Variants in GAPVD1 observed in about 807,000 individuals in gnomAD.
GAPVD1 encodes GTPase activating protein and VPS9 domains 1.
In GAPVD1, 35 loss-of-function variants were observed where a neutral mutation model predicts 155.5. The ratio of observed to expected loss-of-function variants is 0.23; its 90% CI spans 0.17 to 0.30. The LOEUF (loss-of-function observed/expected upper bound fraction) is 0.30, where lower values mean the gene tolerates loss of function less well. GAPVD1 is among the 10% of genes least tolerant of loss of function. The probability of loss-of-function intolerance (pLI) is 1.00; values close to 1 mark genes in which losing one functional copy is unlikely to be tolerated. For missense variants in GAPVD1, 1,429 were observed against 1,775.7 expected, an observed-to-expected ratio of 0.80 and a Z score of 3.51; for synonymous variants, 636 against 619.7, an observed-to-expected ratio of 1.03 and a Z score of -0.39.
intron 9 of GAPVD1, among the ~76,000 whole-genome samples, chr9:125,318,050 G>A (rs1482309761): frequency 2.6e-4 from 39 of 152,146 alleles, no homozygotes; most frequent in Non-Finnish European, 8.8e-5. Flanking sequence ...ACTTTGGGAG[G>A]CCGCTCTCAC....
rs182221932 is a variant in GAPVD1 at position 125,351,721 on chromosome 9, G to A, written c.3569+849G>A. 1.7e-3 allele frequency among the ~76,000 whole-genome samples: 259 copies of A among 152,152 alleles called. 1 individual carries two copies. The highest frequency in any genetic ancestry group is 5.8e-3 in the African/African-American group (242 of 41,542). On this transcript the variant is annotated intron_variant, in intron 23 of 27. Coordinates refer to ENST00000297933, the MANE Select transcript of GAPVD1 (RefSeq NM_001282680.3). ...CATCCAGGTCACGCTGATGCAAGAG[G>A]TGGGTTCCCATGGTCTTTCTTTTTT...
rs762352707 is a variant in GAPVD1 at position 125,349,436 on chromosome 9, A to G, written c.3216A>G (p.Glu1072=). Residue 1072 remains glutamate, a synonymous_variant, in exon 21 of 28, where the codon GAA becomes GAG. Transcript: ENST00000297933. ...GESAHDSPRD[E]ALQNISADDL... ...GTGCACATGATTCTCCCCGTGACGA[A>G]GCACTGCAGAACATCTCGGCTGATG... 2 of 1,613,890 alleles carry G rather than the reference A, an allele frequency of 1.2e-6. No individual in the cohort carries two copies. The highest frequency in any genetic ancestry group is 2.2e-5 in the South Asian group (2 of 91,068).
chr9:125,302,051 G>C lies in GAPVD1; in HGVS notation c.254G>C (p.Gly85Ala). ...TTGGAAGATACACAATTTGTTGATG[G>C]GTATAAGCAATTGGGATTTCAGGAG... is the stretch of plus-strand genomic sequence containing the variant. ...KILEDTQFVD[G>A]YKQLGFQETA... is the part of the protein sequence containing the mutation. Residue 85 changes from glycine (G) to alanine (A), a missense_variant, in exon 5 of 28, where the codon GGG becomes GCG. This residue lies in a region of GAPVD1 where 628 missense variants were observed against 733.4 expected (regional missense o/e 0.86). Transcript: ENST00000297933. The C allele has an allele frequency of 1.9e-6, 3 of 1,612,522 alleles. No individual in the cohort carries two copies. The highest frequency in any genetic ancestry group is 2.5e-6 in the Non-Finnish European group (3 of 1,179,334).
rs575132600 is a variant in GAPVD1, at chr9:125,342,376, A to G, written c.3046+77A>G. On this transcript the variant is annotated intron_variant, in intron 19 of 27. Transcript: ENST00000297933. The stretch of plus-strand genomic sequence containing the variant: ...CATAACACTTTTTCTTGGGTGCCAT[A>G]AGCGTTGCCTTTCTAGAAGAGTGTG... 802 of 826,700 alleles carry G rather than the reference A, an allele frequency of 9.7e-4. 2 individuals carry two copies. The Middle Eastern group carries it at 0.016, about 16-fold the overall frequency. The allele number at this position is 826,700 out of a possible 1,614,324, so 51.2% of individuals were successfully genotyped here. A position where few individuals can be genotyped will look rare whatever the true frequency, so the allele number is the denominator to read the frequency against.
intron 25 of GAPVD1, among the ~76,000 whole-genome samples, chr9:125,356,483 G>A (rs1850104267): frequency 6.6e-6 from 1 of 152,032 alleles, no homozygotes; most frequent in Non-Finnish European, 1.5e-5. Context: ...ATTCTCCCCT[G>A]TTCTTTTTTT....
At position 125,337,070 on chromosome 9, in the gene GAPVD1, G is replaced by C; in HGVS notation, c.2481G>C (p.Met827Ile). 3.1e-6 allele frequency: 5 copies of C among 1,613,272 alleles called. No individual in the cohort carries two copies. Among genetic ancestry groups the C allele is most frequent in the Non-Finnish European group, 4.2e-6 (5 of 1,179,232 alleles). The change falls in exon 16 of 28, where the codon ATG becomes ATC. Residue 827 changes from methionine (M) to isoleucine (I), a missense_variant. Met to Ile is a conservative substitution (Grantham distance 10, BLOSUM62 1). Around this residue, in one of 4 missense-constraint regions of GAPVD1, gnomAD observed 699 missense variants for 826.0 expected, o/e 0.85. Transcript: ENST00000297933. ...CTCAGTCAGAGTCTCTGCTGGCCAT[G>C]TTTGATCCACTGTCTTCACATGAAG... is the stretch of plus-strand genomic sequence containing the variant. ...PPSQSESLLAMFDPLSSHEGA... is the reference protein window; with the variant it reads ...PPSQSESLLAIFDPLSSHEGA...
At chr9:125,333,779 C>T (rs1037561322) in intron 15 of GAPVD1, among the ~76,000 whole-genome samples, 17 of 152,322 alleles carry the variant, frequency 1.1e-4, no homozygotes, top group South Asian at 4.1e-4. Flanking sequence ...TGAGCCACCG[C>T]GCTCTGCGAG....
Position 125,322,814 on chromosome 9 carries a change from A to T in GAPVD1, c.1733-984A>T, listed in dbSNP as rs548148988. ...ATGCCTCTAATCCCAGCACTTTGGGATGCCGAGGTGGGTGGATTCACTGAG... is the reference window on the plus strand; with the variant it reads ...ATGCCTCTAATCCCAGCACTTTGGGTTGCCGAGGTGGGTGGATTCACTGAG... On this transcript the variant is annotated intron_variant, in intron 10 of 27. Transcript: ENST00000297933. Among the ~76,000 whole-genome samples the T allele has an allele frequency of 7.9e-5, 12 of 152,076 alleles. 1 individual carries two copies. The South Asian group carries it at 2.5e-3, about 32-fold the overall frequency.
At chr9:125,307,045 C>T (rs1020711385) in intron 6 of GAPVD1, among the ~76,000 whole-genome samples, 2 of 151,962 alleles carry the variant, frequency 1.3e-5, no homozygotes, top group African/African-American at 4.8e-5. Flanking sequence ...GCGGGTGGAT[C>T]ACCTGAGGTC....
At chr9:125,314,568 C>T (rs888564520) in intron 9 of GAPVD1, among the ~76,000 whole-genome samples, 2 of 151,846 alleles carry the variant, frequency 1.3e-5, no homozygotes, top group Admixed American at 6.6e-5. Context: ...ACAGGAGAAT[C>T]GCTTGAACCC....
At chr9:125,349,643 T>G (rs1027296392) in intron 21 of GAPVD1, 124 bp downstream of exon 21, 2 of 776,240 alleles carry the variant, frequency 2.6e-6, no homozygotes, top group Non-Finnish European at 2.1e-6. Context: ...AATGAAATGC[T>G]GTTTACTAAG....
intron 6 of GAPVD1, 75 bp from the exon 7 acceptor site, chr9:125,307,338 T>C (rs902244351): frequency 2.9e-6 from 3 of 1,038,782 alleles, no homozygotes; most frequent in Non-Finnish European, 4.1e-6. Flanking sequence ...TTTTCATGCT[T>C]GTCCACCTTA....
chr9:125,310,896 A>G (rs2131197028), intron 8 of GAPVD1, among the ~76,000 whole-genome samples: 1 of 150,356 alleles, frequency 6.7e-6, no homozygotes, highest in East Asian at 1.9e-4. Flanking sequence ...CTGGAGTGCA[A>G]TACTGCGATC....
In GAPVD1 at chr9:125,346,806, C is replaced by T; in HGVS notation, c.3047-13C>T. ...CCAAGGGGCTAATTCTCTCACTCTCCTTTCCCTTGCAGATGATCCCAGCCC... is the reference window on the plus strand; with the variant it reads ...CCAAGGGGCTAATTCTCTCACTCTCTTTTCCCTTGCAGATGATCCCAGCCC... On this transcript the variant is annotated splice_polypyrimidine_tract_variant and intron_variant, in intron 19 of 27. Transcript: ENST00000297933. 6.2e-7 allele frequency: 1 copy of T among 1,611,652 alleles called. No homozygotes were observed. Among genetic ancestry groups the T allele is most frequent in the South Asian group, 1.1e-5 (1 of 91,024 alleles).
At chr9:125,324,350 G>T (rs1001403011) in intron 11 of GAPVD1, among the ~76,000 whole-genome samples, 2 of 152,282 alleles carry the variant, frequency 1.3e-5, no homozygotes, top group Admixed American at 6.5e-5. Context: ...CAGCACTTTG[G>T]GTGGCTGAGG....
intron 9 of GAPVD1, among the ~76,000 whole-genome samples, chr9:125,319,692 C>A (rs1450829527): frequency 6.6e-6 from 1 of 151,560 alleles, no homozygotes. Flanking sequence ...ACCTCCACCT[C>A]CCGGGTTCAA....
intron 14 of GAPVD1, among the ~76,000 whole-genome samples, 162 bp from the exon 15 acceptor site, chr9:125,332,348 T>C (rs985979174): frequency 4.6e-5 from 7 of 152,168 alleles, no homozygotes; most frequent in Non-Finnish European, 2.9e-5. Flanking sequence ...GCAAGGTAAG[T>C]ATATTTAAGC....
intron 5 of GAPVD1, 142 bp from the exon 6 acceptor site, chr9:125,304,921 A>G (rs1276070452): frequency 8.3e-6 from 4 of 479,922 alleles, no homozygotes; most frequent in African/African-American, 4.0e-5. Context: ...GGGGGATACT[A>G]TTTCATATGC....
chr9:125,269,979 G>T (rs1834629055), intron 2 of GAPVD1, among the ~76,000 whole-genome samples: 1 of 152,040 alleles, frequency 6.6e-6, no homozygotes. Flanking sequence ...TTGGCCTCTG[G>T]AAGTGCTGGG....
Sources: gnomAD v4.1 joint callset for allele counts (sites outside exome capture counted in the v4.1 genomes callset) on GRCh38, gnomAD v4.1.1 for gene constraint, gnomAD v4.1.1 regional missense constraint, MANE v1.5 for transcripts, NCBI Gene and HGNC (gene_info 2026-07-23, HGNC 2026-07-21) for gene names.